Variants in TUBB3 observed in about 807,000 individuals in gnomAD.
TUBB3 encodes tubulin beta-3 chain.
A neutral mutation model predicts 37.8 loss-of-function variants in TUBB3; 17 were observed. The observed-to-expected ratio is 0.45, with a 90% CI of 0.31 to 0.67. The LOEUF (loss-of-function observed/expected upper bound fraction) is 0.67, where lower values mean the gene tolerates loss of function less well. TUBB3 is among the 30% of genes least tolerant of loss of function. TUBB3 has a pLI of 0.07. For missense variants in TUBB3, 262 were observed against 657.9 expected (o/e 0.40, Z 6.58); for synonymous variants, 332 against 278.9 (o/e 1.19, Z -1.90).
intron 2 of TUBB3, 198 bp from the exon 3 acceptor site, chr16:89,933,270 G>T (rs1479495852): frequency 1.4e-6 from 1 of 710,868 alleles, no homozygotes; most frequent in South Asian, 1.5e-5. Context: ...GTCCTGTCCT[G>T]CTCCGTCCTT....
rs2030423756 is a variant in TUBB3, at chr16:89,935,456, C to T, written c.1005C>T (p.Ser335=). The stretch of plus-strand genomic sequence containing the variant: ...ACGAGCAGATGCTGGCCATCCAGAG[C>T]AAGAACAGCAGCTACTTCGTGGAGT... ...EVDEQMLAIQ[S]KNSSYFVEWI... is the part of the protein sequence containing the mutation. Residue 335 remains serine (S), a synonymous_variant, in exon 4 of 4, where the codon AGC becomes AGT. Coordinates refer to ENST00000315491, the MANE Select transcript of TUBB3 (RefSeq NM_006086.4). 1.2e-6 allele frequency: 2 copies of T among 1,614,238 alleles called. No homozygotes were observed. The highest frequency in any genetic ancestry group is 1.7e-6 in the Non-Finnish European group (2 of 1,180,046).
At position 89,923,361 on chromosome 16, in the gene TUBB3, C is replaced by T. The variant is rs778581450; in HGVS notation, c.-41C>T. The stretch of plus-strand genomic sequence containing the variant: ...CCGACCCTCAGCAGCCAGCCCGGCC[C>T]GCCCGCGCCCGTCCGCAGCCGCCCG... On this transcript the variant is annotated 5_prime_UTR_variant, in exon 1 of 4. Transcript: ENST00000315491. 2.1e-6 allele frequency: 3 copies of T among 1,435,968 alleles called. No homozygotes were observed. Among genetic ancestry groups the T allele is most frequent in the South Asian group, 2.7e-5 (2 of 74,598 alleles). 89.0% of individuals were successfully genotyped at this position (1,435,968 alleles called of 1,614,324 possible).
At chr16:89,924,057 CG>C (rs1227729992) in intron 1 of TUBB3, among the ~76,000 whole-genome samples, 1 of 152,210 alleles carries the variant, frequency 6.6e-6, no homozygotes, top group African/African-American at 2.4e-5. Context: ...GGCTCTCCAT[CG>C]GCGCAGCCGC....
chr16:89,932,425 G>C, intron 1 of TUBB3, 146 bp from the exon 2 acceptor site: 1 of 689,436 alleles, frequency 1.5e-6, no homozygotes, highest in Admixed American at 2.1e-5. Flanking sequence ...GTAACAGAGT[G>C]TGGGGCTCTC....
chr16:89,927,020 T>A (rs1262774533), intron 1 of TUBB3, among the ~76,000 whole-genome samples: 2 of 152,076 alleles, frequency 1.3e-5, no homozygotes, highest in East Asian at 3.9e-4. Flanking sequence ...CCGGGCCGAT[T>A]TCCTTTTCTG....
rs1241522373 is a variant in TUBB3 at position 89,934,556 on chromosome 16, GCT to G, written c.278-171_278-170del. 8.5e-5 allele frequency: 59 copies of G among 692,096 alleles called. 1 individual carries two copies. Among genetic ancestry groups the G allele is most frequent in the Non-Finnish European group, 1.4e-4 (56 of 391,376 alleles). The allele number at this position is 692,096 out of a possible 1,614,324, so 42.9% of individuals were successfully genotyped here. On this transcript the variant is annotated intron_variant, in intron 3 of 3. Transcript: ENST00000315491. ...TCGTCCTGAGCACTCAGCAGCATCG[GCT>G]CAGGGAAGCCACGGCGGGTATGAGA...
intron 1 of TUBB3, among the ~76,000 whole-genome samples, chr16:89,926,718 T>C (rs534477976): frequency 6.7e-6 from 1 of 149,150 alleles, no homozygotes; most frequent in Non-Finnish European, 1.5e-5. Flanking sequence ...CAATTTTCCT[T>C]TTTTCTTATT....
upstream of TUBB3, among the ~76,000 whole-genome samples, chr16:89,923,024 C>T (rs1024687043): frequency 1.3e-5 from 2 of 152,356 alleles, no homozygotes; most frequent in African/African-American, 4.8e-5. Flanking sequence ...GAGAGGGTAG[C>T]TGGGGGCGGG....
In TUBB3 at chr16:89,935,649, G is replaced by A; in HGVS notation, c.1198G>A (p.Gly400Ser). ...CAAGGCCTTCCTGCACTGGTACACG[G>A]GCGAGGGCATGGACGAGATGGAGTT... is the stretch of plus-strand genomic sequence containing the variant. ...RRKAFLHWYT[G>S]EGMDEMEFTE... The change falls in exon 4 of 4, where the codon GGC (glycine) becomes AGC (serine). Residue 400 changes from glycine to serine, a missense_variant. This residue lies in a region of TUBB3 where 165 missense variants were observed against 556.8 expected (regional missense o/e 0.30). Transcript: ENST00000315491. 1 of 1,613,778 alleles carries A rather than the reference G, an allele frequency of 6.2e-7. No homozygotes were observed.
chr16:89,928,625 C>T (rs565197877), intron 1 of TUBB3, among the ~76,000 whole-genome samples: 1 of 151,882 alleles, frequency 6.6e-6, no homozygotes, highest in East Asian at 1.9e-4. Flanking sequence ...CCCAGGTTCA[C>T]GCCATTCTCC....
At chr16:89,924,255 G>A (rs1177273716) in intron 1 of TUBB3, among the ~76,000 whole-genome samples, 1 of 152,204 alleles carries the variant, frequency 6.6e-6, no homozygotes, top group East Asian at 1.9e-4. Flanking sequence ...AGCTGTGCAG[G>A]GACCCCTGCC....
chr16:89,931,883 C>G (rs1317161410), intron 1 of TUBB3: 1 of 405,486 alleles, frequency 2.5e-6, no homozygotes. Flanking sequence ...AGAGAGAGGA[C>G]GACCCCTGGG....
At chr16:89,933,421 C>A in intron 2 of TUBB3, 47 bp from the exon 3 acceptor site, 1 of 1,416,468 alleles carries the variant, frequency 7.1e-7, no homozygotes, top group Non-Finnish European at 1.0e-6. Flanking sequence ...GAGGGAGAGG[C>A]TCTGGCCCTC....
At chr16:89,925,785 C>T (rs2030054845) in intron 1 of TUBB3, among the ~76,000 whole-genome samples, 1 of 152,218 alleles carries the variant, frequency 6.6e-6, no homozygotes, top group Non-Finnish European at 1.5e-5. Flanking sequence ...GCTTCCCTGT[C>T]TGGGGTCCTC....
At chr16:89,933,659 A>T (rs780228942) in intron 3 of TUBB3, 81 bp downstream of exon 3, 1 of 1,085,412 alleles carries the variant, frequency 9.2e-7, no homozygotes, top group Non-Finnish European at 1.4e-6. Flanking sequence ...CGGCTGTGAG[A>T]AACAAGGAAT....
rs765264294 is a variant in TUBB3, at chr16:89,932,633, G to A, written c.120G>A (p.Ser40=). 28 of 1,613,990 alleles carry A rather than the reference G, an allele frequency of 1.7e-5. No homozygotes were observed. The highest frequency in any genetic ancestry group is 5.0e-5 in the Admixed American group (3 of 60,008). Residue 40 remains serine, a synonymous_variant, in exon 2 of 4, where the codon TCG becomes TCA. Transcript: ENST00000315491. ...CCAGCGGCAACTACGTGGGCGACTC[G>A]GACTTGCAGCTGGAGCGGATCAGCG... ...IDPSGNYVGD[S]DLQLERISVY... is the part of the protein sequence containing the mutation.
intron 2 of TUBB3, 42 bp from the exon 3 acceptor site, chr16:89,933,426 G>A (rs759780335): frequency 2.3e-5 from 33 of 1,455,878 alleles, no homozygotes; most frequent in Non-Finnish European, 2.9e-5. Context: ...AGAGGCTCTG[G>A]CCCTCTGTGA....
At chr16:89,926,261 C>CG (rs1437677323) in intron 1 of TUBB3, among the ~76,000 whole-genome samples, 3 of 152,026 alleles carry the variant, frequency 2.0e-5, no homozygotes, top group Non-Finnish European at 4.4e-5. Context: ...GGCTGCGGGG[C>CG]GGGGCTGGGG....
intron 1 of TUBB3, among the ~76,000 whole-genome samples, chr16:89,926,961 C>T (rs1226746784): frequency 6.6e-6 from 1 of 151,082 alleles, no homozygotes; most frequent in East Asian, 2.0e-4. Context: ...AGGTGATTCA[C>T]CTGCCTCAGC....
Sources: gnomAD v4.1 joint callset for allele counts (sites outside exome capture counted in the v4.1 genomes callset) on GRCh38, gnomAD v4.1.1 for gene constraint, gnomAD v4.1.1 regional missense constraint, MANE v1.5 for transcripts, NCBI Gene and HGNC (gene_info 2026-07-23, HGNC 2026-07-21) for gene names.